RPS10: variants seen among roughly 807,000 people sequenced by gnomAD.
RPS10 encodes the protein ribosomal protein S10, also known as small ribosomal subunit protein eS10.
In RPS10, 2 loss-of-function variants were observed where a neutral mutation model predicts 22.6. That is an observed-to-expected ratio of 0.09 (90% CI 0.04 to 0.28). The LOEUF is 0.28. Ranked by LOEUF, RPS10 falls within the 10% of genes least tolerant of loss-of-function variation. The probability of loss-of-function intolerance (pLI) is 1.00; values close to 1 mark genes in which losing one functional copy is unlikely to be tolerated. For synonymous variants in RPS10, 70 were observed against 75.9 expected (o/e 0.92, Z 0.40); for missense variants, 137 against 222.2 (o/e 0.62, Z 2.44).
intron 4 of RPS10, among the ~76,000 whole-genome samples, chr6:34,420,826 GA>G (rs1355024285): frequency 4.0e-5 from 6 of 151,552 alleles, no homozygotes; most frequent in Non-Finnish European, 2.9e-5. Context: ...CTAACACGGT[GA>G]AACCCCATCT....
chr6:34,417,820 A>G (rs1049450454), intron 5 of RPS10: 2 of 718,624 alleles, frequency 2.8e-6, no homozygotes, highest in Admixed American at 2.0e-5. Flanking sequence ...ATCCAGCACC[A>G]GGATTGGACC....
At chr6:34,418,121 T>C in intron 5 of RPS10, 3 of 1,406,730 alleles carry the variant, frequency 2.1e-6, no homozygotes, top group Admixed American at 2.7e-5. Flanking sequence ...ATGTCAAGCA[T>C]TAATGAAACA....
chr6:34,420,548 T>C (rs1459629012), intron 4 of RPS10, among the ~76,000 whole-genome samples: 3 of 151,806 alleles, frequency 2.0e-5, no homozygotes, highest in Admixed American at 2.0e-4. Flanking sequence ...TATCACCAAC[T>C]TCCTCTGAAC....
chr6:34,421,851 ACT>A (rs1421322156), intron 3 of RPS10, 44 bp from the exon 4 acceptor site: 2 of 1,611,314 alleles, frequency 1.2e-6, no homozygotes, highest in African/African-American at 2.7e-5. Flanking sequence ...CAATGTGAGA[ACT>A]CTGTCCCTTA....
At chr6:34,423,422 G>A (rs566706907) in intron 3 of RPS10, among the ~76,000 whole-genome samples, 2 of 152,272 alleles carry the variant, frequency 1.3e-5, no homozygotes, top group Admixed American at 6.5e-5. Context: ...ATGAGTCACT[G>A]CACTCAGGCA....
Position 34,425,236 on chromosome 6 carries a change from C to A in RPS10, c.1-15G>T, listed in dbSNP as rs1270243175. On this transcript the variant is annotated splice_polypyrimidine_tract_variant and intron_variant, in intron 1 of 5. Transcript: ENST00000648437. The stretch of plus-strand genomic sequence containing the variant: ...GGCATCAACATCTGCAAGAAGGAGA[C>A]GATTGTCAAGAGCACTTCTGAGTAA... 6.3e-7 allele frequency: 1 copy of A among 1,598,988 alleles called. No homozygotes were observed. Among genetic ancestry groups the A allele is most frequent in the Admixed American group, 1.7e-5 (1 of 57,340 alleles).
At chr6:34,425,301 T>G in intron 1 of RPS10, 80 bp from the exon 2 acceptor site, 1 of 1,526,682 alleles carries the variant, frequency 6.6e-7, no homozygotes, top group South Asian at 1.2e-5. Flanking sequence ...GATCCTAAAG[T>G]GACCCACACA....
Position 34,422,927 on chromosome 6 carries a change from A to C in RPS10, c.323-1120T>G, listed in dbSNP as rs543145831. On this transcript the variant is annotated intron_variant, in intron 3 of 5. Coordinates refer to ENST00000648437, the MANE Select transcript of RPS10 (RefSeq NM_001014.5). Reference sequence around the variant, plus strand: ...AAAACCCTGTCTCTACTAAAATTACAAAAATTAGCCGGGTGTGGTGGTGCA... The same window carrying C: ...AAAACCCTGTCTCTACTAAAATTACCAAAATTAGCCGGGTGTGGTGGTGCA... 1.2e-3 allele frequency among the ~76,000 whole-genome samples: 182 copies of C among 152,092 alleles called. 1 individual carries two copies. In the East Asian group the frequency reaches 0.013, roughly 11 times the overall value.
intron 4 of RPS10, 149 bp downstream of exon 4, chr6:34,421,581 G>A: frequency 1.2e-6 from 1 of 830,248 alleles, no homozygotes; most frequent in Non-Finnish European, 2.1e-6. Flanking sequence ...AAGGACTCCA[G>A]CTGTTCTGAT....
chr6:34,422,836 C>G (rs1477776614), intron 3 of RPS10, among the ~76,000 whole-genome samples: 1 of 150,822 alleles, frequency 6.6e-6, no homozygotes, highest in Non-Finnish European at 1.5e-5. Context: ...AATCCCGGCA[C>G]TTTGGGAGGC....
intron 5 of RPS10, chr6:34,417,776 C>G (rs1325728843): frequency 2.8e-6 from 2 of 718,600 alleles, no homozygotes; most frequent in African/African-American, 3.5e-5. Flanking sequence ...TGGCCACCCA[C>G]CCAGAGTGTG....
Position 34,424,845 on chromosome 6 carries a change from A to C in RPS10, c.151-5T>G. 1 of 1,613,792 alleles carries C rather than the reference A, an allele frequency of 6.2e-7. No individual in the cohort carries two copies. Among genetic ancestry groups the C allele is most frequent in the Non-Finnish European group, 8.5e-7 (1 of 1,180,016 alleles). Reference sequence around the variant, plus strand: ...GTAGCCTCGGGACTTGAGAGACTGTAAGGCAGAAAACTACTGTTAAGGCGT... The same window carrying C: ...GTAGCCTCGGGACTTGAGAGACTGTCAGGCAGAAAACTACTGTTAAGGCGT... On this transcript the variant is annotated splice_polypyrimidine_tract_variant and splice_region_variant and intron_variant, in intron 2 of 5. Transcript: ENST00000648437.
chr6:34,420,823 G>A (rs9469778), intron 4 of RPS10, among the ~76,000 whole-genome samples: 101,700 of 151,056 alleles, frequency 0.67, 35,864 homozygotes, highest in Non-Finnish European at 0.8. Context: ...TGGCTAACAC[G>A]GTGAAACCCC....
At chr6:34,420,201 C>T (rs1043474706) in intron 4 of RPS10, among the ~76,000 whole-genome samples, 2 of 152,114 alleles carry the variant, frequency 1.3e-5, no homozygotes, top group African/African-American at 2.4e-5. Context: ...ATGCCAATAA[C>T]GAATATGGTT....
At chr6:34,424,979 C>G in intron 2 of RPS10, 93 bp downstream of exon 2, 1 of 1,609,674 alleles carries the variant, frequency 6.2e-7, no homozygotes, top group Non-Finnish European at 8.5e-7. Flanking sequence ...TGCCTTGAAC[C>G]TTAGGGGAAG....
chr6:34,418,553 C>A, intron 4 of RPS10, 129 bp from the exon 5 acceptor site: 1 of 1,416,772 alleles, frequency 7.1e-7, no homozygotes, highest in Non-Finnish European at 9.7e-7. Context: ...AAGCAAATTA[C>A]ACCAGTGGTG....
At chr6:34,418,956 C>A (rs1220764271) in intron 4 of RPS10, among the ~76,000 whole-genome samples, 1 of 151,960 alleles carries the variant, frequency 6.6e-6, no homozygotes, top group African/African-American at 2.4e-5. Context: ...CTCACTACAA[C>A]CTCTGCCTCA....
At chr6:34,417,907 G>C in intron 5 of RPS10, 1 of 718,390 alleles carries the variant, frequency 1.4e-6, no homozygotes, top group Non-Finnish European at 2.6e-6. Flanking sequence ...CCTGCCATAG[G>C]ACAAAAATGA....
At chr6:34,424,618 A>G (rs752695373) in intron 3 of RPS10, 51 bp downstream of exon 3, 8 of 1,610,338 alleles carry the variant, frequency 5.0e-6, no homozygotes, top group Non-Finnish European at 6.8e-6. Context: ...TGTCCCTTAC[A>G]CAAAAGAAAC....
Sources: gnomAD v4.1 joint callset for allele counts (sites outside exome capture counted in the v4.1 genomes callset) on GRCh38, gnomAD v4.1.1 for gene constraint, MANE v1.5 for transcripts, NCBI Gene and HGNC (gene_info 2026-07-23, HGNC 2026-07-21) for gene names.